VCL: variants seen among roughly 807,000 people sequenced by gnomAD.
VCL encodes vinculin, also known as epididymis luminal protein 114.
A neutral mutation model predicts 125.7 loss-of-function variants in VCL; 47 were observed. That is an observed-to-expected ratio of 0.37 (90% CI 0.30 to 0.48). VCL has a LOEUF of 0.48. VCL is among the 20% of genes least tolerant of loss of function. VCL has a pLI of 0.99. For missense variants in VCL, 1,069 were observed against 1,455.5 expected, an observed-to-expected ratio of 0.73 and a Z score of 4.32; for synonymous variants, 458 against 514.6, an observed-to-expected ratio of 0.89 and a Z score of 1.49.
chr10:74,067,382 A>ATT (rs1841587872), intron 2 of VCL, among the ~76,000 whole-genome samples: 1 of 149,674 alleles, frequency 6.7e-6, no homozygotes, highest in African/African-American at 2.6e-5. Flanking sequence ...TTTATTTAAA[A>ATT]AAAAAAAAAG....
rs200956572 is a variant in VCL, at chr10:74,074,815, T to A, written c.695T>A (p.Phe232Tyr). 10 of 1,614,068 alleles carry A rather than the reference T, an allele frequency of 6.2e-6. No homozygotes were observed. Among genetic ancestry groups the A allele is most frequent in the Non-Finnish European group, 8.5e-6 (10 of 1,180,042 alleles). The change falls in exon 6 of 22, where the codon TTT becomes TAT. Residue 232 changes from phenylalanine (F) to tyrosine (Y), a missense_variant. Physicochemically the swap from Phe to Tyr is conservative, Grantham distance 22. This residue lies in a region of VCL where 760 missense variants were observed against 928.9 expected (regional missense o/e 0.82). Coordinates refer to ENST00000211998, the MANE Select transcript of VCL (RefSeq NM_014000.3). The part of the protein sequence containing the change: ...GIEEALKNRN[F>Y]TVEKMSAEIN... ...GAGGAAGCTTTAAAAAATCGCAATT[T>A]TACTGTAGAAAAAATGAGTGCTGAA...
chr10:74,017,016 C>CAAGTTGTA (rs1407411409), intron 1 of VCL: 1 of 150,054 alleles, frequency 6.7e-6, no homozygotes, highest in Non-Finnish European at 1.5e-5. Flanking sequence ...AAGGTTCATC[C>CAAGTTGTA]AAGTTGTAGC....
At chr10:74,049,476 T>C (rs2136254112) in intron 2 of VCL, among the ~76,000 whole-genome samples, 1 of 152,282 alleles carries the variant, frequency 6.6e-6, no homozygotes, top group African/African-American at 2.4e-5. Context: ...ATGATAGGAA[T>C]TCAGAGAGAG....
At chr10:74,028,393 CTTTT>C (rs1159824812) in intron 1 of VCL, among the ~76,000 whole-genome samples, 4 of 121,742 alleles carry the variant, frequency 3.3e-5, no homozygotes, top group Non-Finnish European at 3.4e-5. Flanking sequence ...CTTAAGTAAT[CTTTT>C]TTTTTTTTTT....
At chr10:74,117,226 G>A (rs1472454644) in intron 21 of VCL, among the ~76,000 whole-genome samples, 1 of 152,158 alleles carries the variant, frequency 6.6e-6, no homozygotes, top group East Asian at 1.9e-4. Flanking sequence ...GGGTATGACA[G>A]TGCACAAAAT....
At position 74,101,047 on chromosome 10, in the gene VCL, G is replaced by C; in HGVS notation, c.1972G>C (p.Val658Leu). The stretch of plus-strand genomic sequence containing the variant: ...GGTTGGTACTGCTAATAAATCAACA[G>C]TGGAAGGCATTCAGGCCTCAGTGAA... ...AAVGTANKST[V>L]EGIQASVKTA... Residue 658 changes from valine (V) to leucine (L), a missense_variant, in exon 14 of 22, where the codon GTG becomes CTG. Physicochemically the swap from Val to Leu is conservative, Grantham distance 32. Around this residue, in one of 6 missense-constraint regions of VCL, gnomAD observed 760 missense variants for 928.9 expected, o/e 0.82. Coordinates refer to ENST00000211998, the MANE Select transcript of VCL (RefSeq NM_014000.3). 1 of 1,613,892 alleles carries C rather than the reference G, an allele frequency of 6.2e-7. No homozygotes were observed. The highest frequency in any genetic ancestry group is 8.5e-7 in the Non-Finnish European group (1 of 1,179,862).
At chr10:74,003,108 T>G (rs1199532186) in intron 1 of VCL, among the ~76,000 whole-genome samples, 2 of 151,898 alleles carry the variant, frequency 1.3e-5, no homozygotes, top group Admixed American at 6.6e-5. Flanking sequence ...AGTCTCACTG[T>G]GTAGTCCAAG....
intron 1 of VCL, among the ~76,000 whole-genome samples, chr10:74,036,502 A>T (rs1429201065): frequency 1.3e-5 from 2 of 151,444 alleles, no homozygotes; most frequent in Non-Finnish European, 2.9e-5. Context: ...GTGCCCAGCC[A>T]CTCTGTTTTT....
intron 10 of VCL, among the ~76,000 whole-genome samples, chr10:74,093,246 G>A (rs1839916817): frequency 6.6e-6 from 1 of 151,980 alleles, no homozygotes; most frequent in Non-Finnish European, 1.5e-5. Flanking sequence ...GCAGTGAGCC[G>A]AGATCGTGCC....
At chr10:74,108,379 T>TA (rs1840170206) in intron 17 of VCL, among the ~76,000 whole-genome samples, 1 of 152,214 alleles carries the variant, frequency 6.6e-6, no homozygotes, top group Non-Finnish European at 1.5e-5. Context: ...GACCACAACT[T>TA]ACATCTTCTG....
chr10:74,075,422 T>C (rs1839567656), intron 6 of VCL: 1 of 155,822 alleles, frequency 6.4e-6, no homozygotes, highest in Non-Finnish European at 1.4e-5. Flanking sequence ...AGTCTTCACA[T>C]TGGTCAGTTA....
chr10:74,065,761 A>G (rs1841560162), intron 2 of VCL, among the ~76,000 whole-genome samples: 1 of 152,058 alleles, frequency 6.6e-6, no homozygotes, highest in South Asian at 2.1e-4. Flanking sequence ...GGCATATTAA[A>G]AGTTCAGACG....
At chr10:74,084,932 C>T (rs1839745042) in intron 8 of VCL, among the ~76,000 whole-genome samples, 1 of 152,046 alleles carries the variant, frequency 6.6e-6, no homozygotes, top group Admixed American at 6.5e-5. Context: ...TTTTTAATGA[C>T]ATGGCCTTGC....
intron 1 of VCL, among the ~76,000 whole-genome samples, chr10:74,002,174 G>A (rs1053929347): frequency 1.3e-5 from 2 of 152,146 alleles, no homozygotes; most frequent in Non-Finnish European, 2.9e-5. Context: ...TGCCCAGGTT[G>A]GAGTGCAGTG....
intron 1 of VCL, among the ~76,000 whole-genome samples, chr10:74,008,051 A>G (rs138500950): frequency 1.5e-4 from 23 of 150,986 alleles, no homozygotes; most frequent in African/African-American, 3.4e-4. Flanking sequence ...TGATCTACCC[A>G]CCTTAGCTTC....
rs867192862 is a variant in VCL at position 74,113,442 on chromosome 10, A to C, written c.2950-742A>C. Reference sequence around the variant, plus strand: ...GAAGGTTCCTTTAACTGGAGTCTTCACTTAGCTGAGGGGACTGAAGAATTG... The same window carrying C: ...GAAGGTTCCTTTAACTGGAGTCTTCCCTTAGCTGAGGGGACTGAAGAATTG... On this transcript the variant is annotated intron_variant, in intron 19 of 21. Transcript: ENST00000211998. 4.6e-5 allele frequency among the ~76,000 whole-genome samples: 7 copies of C among 152,270 alleles called. No homozygotes were observed. In the Middle Eastern group the frequency reaches 0.014, roughly 296 times the overall value.
intron 1 of VCL, among the ~76,000 whole-genome samples, chr10:74,012,442 A>C (rs887647785): frequency 6.6e-6 from 1 of 152,256 alleles, no homozygotes; most frequent in Non-Finnish European, 1.5e-5. Context: ...AGATGAAATC[A>C]ATAATCTTAT....
chr10:74,046,524 T>C (rs929253164), intron 2 of VCL, among the ~76,000 whole-genome samples: 3 of 152,350 alleles, frequency 2.0e-5, no homozygotes, highest in Admixed American at 1.3e-4. Context: ...AGTACCGGCA[T>C]GAGCCACTGT....
At chr10:74,052,231 G>A (rs561421068) in intron 2 of VCL, among the ~76,000 whole-genome samples, 43 of 152,040 alleles carry the variant, frequency 2.8e-4, no homozygotes, top group African/African-American at 9.2e-4. Flanking sequence ...CAGTGTCCAC[G>A]CCCTGCCTCT....
Sources: gnomAD v4.1 joint callset for allele counts (sites outside exome capture counted in the v4.1 genomes callset) on GRCh38, gnomAD v4.1.1 for gene constraint, gnomAD v4.1.1 regional missense constraint, MANE v1.5 for transcripts, NCBI Gene and HGNC (gene_info 2026-07-23, HGNC 2026-07-21) for gene names.